Variants in CSTL1 observed in about 807,000 individuals in gnomAD.
CSTL1 encodes the protein cystatin like 1.
CSTL1 carries 14 observed loss-of-function variants against 14.4 expected under a neutral mutation model. The observed-to-expected ratio is 0.97, with a 90% confidence interval of 0.64 to 1.52. The LOEUF is 1.52. Ranked by LOEUF, CSTL1 falls within the 40% of genes most tolerant of loss-of-function variation. The pLI, the probability that CSTL1 is intolerant of heterozygous loss-of-function variation, is 0.00. For synonymous variants in CSTL1, 72 were observed against 67.5 expected (o/e 1.07, Z -0.33); for missense variants, 170 against 168.7 (o/e 1.01, Z -0.04).
At chr20:23,455,618 C>T in the CSTL1 span, among the ~76,000 whole-genome samples, 1 of 152,318 alleles carries the variant, frequency 6.6e-6, no homozygotes, top group African/African-American at 2.4e-5. Context: ...GCAGAACTGG[C>T]AATGTTCATC....
At chr20:23,447,409 C>T (rs6036405), downstream of CSTL1, among the ~76,000 whole-genome samples, 39 of 151,748 alleles carry the variant, frequency 2.6e-4, no homozygotes, top group African/African-American at 8.7e-4. Flanking sequence ...TATTAACAAG[C>T]GTGAGTGTGC....
chr20:23,444,398 C>T (rs1331070442), intron 3 of CSTL1, among the ~76,000 whole-genome samples: 2 of 152,226 alleles, frequency 1.3e-5, no homozygotes, highest in Non-Finnish European at 2.9e-5. Context: ...TTCTATTTTT[C>T]CTGGTCCATG....
At chr20:23,441,692 C>T (rs1285046714) in intron 2 of CSTL1, among the ~76,000 whole-genome samples, 1 of 152,178 alleles carries the variant, frequency 6.6e-6, no homozygotes, top group Admixed American at 6.5e-5. Context: ...GTTCAGTATA[C>T]AGGCAACCAT....
At chr20:23,452,529 G>A in the CSTL1 span, 1 of 1,129,558 alleles carries the variant, frequency 8.9e-7, no homozygotes, top group Non-Finnish European at 1.4e-6. Context: ...GACACCAGTG[G>A]CCACCCGATG....
the CSTL1 span, among the ~76,000 whole-genome samples, chr20:23,454,891 G>T: frequency 6.6e-6 from 1 of 152,216 alleles, no homozygotes; most frequent in African/African-American, 2.4e-5. Context: ...CTGCAATAAA[G>T]ACTGCATTTC....
chr20:23,450,023 G>A, the CSTL1 span, among the ~76,000 whole-genome samples: 3 of 152,130 alleles, frequency 2.0e-5, no homozygotes, highest in East Asian at 5.8e-4. Flanking sequence ...GTCTTTCTTA[G>A]TTCTTTGGTG....
chr20:23,445,894 A>G (rs548095327), downstream of CSTL1, among the ~76,000 whole-genome samples: 7 of 152,276 alleles, frequency 4.6e-5, no homozygotes, highest in South Asian at 1.5e-3. Context: ...GCGCTAGGTC[A>G]GGAGAAAACC....
At chr20:23,442,021 G>A (rs905617633) in intron 2 of CSTL1, among the ~76,000 whole-genome samples, 4 of 152,252 alleles carry the variant, frequency 2.6e-5, no homozygotes, top group African/African-American at 9.6e-5. Flanking sequence ...TGGCGATGTT[G>A]CCCATTTGGT....
the CSTL1 span, chr20:23,450,375 G>C: frequency 4.9e-6 from 3 of 610,696 alleles, no homozygotes; most frequent in South Asian, 6.7e-5. Context: ...TGGATAAAAA[G>C]AAAAAGAAAA....
At chr20:23,455,664 G>A in the CSTL1 span, among the ~76,000 whole-genome samples, 4 of 152,196 alleles carry the variant, frequency 2.6e-5, no homozygotes, top group African/African-American at 4.8e-5. Context: ...GCCTTCACTT[G>A]TGTCAGTGCA....
chr20:23,444,650 G>A (rs1986925841), intron 3 of CSTL1, 121 bp from the exon 4 acceptor site: 1 of 655,942 alleles, frequency 1.5e-6, no homozygotes, highest in Non-Finnish European at 2.8e-6. Context: ...ACTGTGGGCA[G>A]CTCCCCTCTC....
the CSTL1 span, chr20:23,450,566 C>T: frequency 6.2e-7 from 1 of 1,610,264 alleles, no homozygotes; most frequent in East Asian, 2.2e-5. Context: ...GTACAGCAAA[C>T]ACTGAGAAGA....
At chr20:23,454,327 GAC>G in the CSTL1 span, among the ~76,000 whole-genome samples, 4 of 133,148 alleles carry the variant, frequency 3.0e-5, no homozygotes, top group East Asian at 4.5e-4. Flanking sequence ...GAAACACACA[GAC>G]ACACAACATA....
At chr20:23,451,555 G>A in the CSTL1 span, among the ~76,000 whole-genome samples, 1 of 152,164 alleles carries the variant, frequency 6.6e-6, no homozygotes, top group South Asian at 2.1e-4. Flanking sequence ...TCGCCCCAGA[G>A]TGTGCCCCTG....
intron 2 of CSTL1, among the ~76,000 whole-genome samples, chr20:23,442,087 A>G (rs972844991): frequency 6.6e-6 from 1 of 152,258 alleles, no homozygotes; most frequent in African/African-American, 2.4e-5. Context: ...TGTGAAATCA[A>G]TCCATCACCA....
chr20:23,451,840 G>A, the CSTL1 span: 2 of 1,613,932 alleles, frequency 1.2e-6, no homozygotes, highest in African/African-American at 1.3e-5. Context: ...TTTCCTGGGG[G>A]ACACAGTTCG....
At chr20:23,442,874 T>C (rs1986867865) in intron 2 of CSTL1, among the ~76,000 whole-genome samples, 1 of 152,092 alleles carries the variant, frequency 6.6e-6, no homozygotes, top group Non-Finnish European at 1.5e-5. Flanking sequence ...AATCCACATA[T>C]CTACTCAGGA....
chr20:23,452,130 C>T, the CSTL1 span, among the ~76,000 whole-genome samples: 4 of 152,350 alleles, frequency 2.6e-5, no homozygotes, highest in Admixed American at 2.0e-4. Context: ...GAACTTTCCC[C>T]CTGGGCAAAT....
At chr20:23,444,496 G>T (rs1252633317) in intron 3 of CSTL1, among the ~76,000 whole-genome samples, 1 of 152,198 alleles carries the variant, frequency 6.6e-6, no homozygotes, top group Non-Finnish European at 1.5e-5. Context: ...ATTGCTCCTT[G>T]CTGGCCTGCC....
Sources: allele counts gnomAD v4.1 joint callset (sites outside exome capture counted in the v4.1 genomes callset), GRCh38; gene constraint gnomAD v4.1.1; transcripts MANE v1.5; gene names NCBI Gene and HGNC (gene_info 2026-07-23, HGNC 2026-07-21).